The following PTPN2 variants were observed in gnomAD, a reference collection of about 807,000 sequenced individuals.
PTPN2 encodes the protein protein tyrosine phosphatase non-receptor type 2.
A neutral mutation model predicts 57.3 loss-of-function variants in PTPN2; 19 were observed. The observed-to-expected ratio is 0.33, with a 90% CI of 0.23 to 0.49. The LOEUF (loss-of-function observed/expected upper bound fraction) is 0.49, where lower values mean the gene tolerates loss of function less well. Ranked by LOEUF, PTPN2 falls within the 20% of genes least tolerant of loss-of-function variation. The pLI is 0.99. For synonymous variants in PTPN2, 153 were observed against 164.9 expected (o/e 0.93, Z 0.55); for missense variants, 358 against 501.1 (o/e 0.71, Z 2.73).
rs1350334963 is a variant in PTPN2, at chr18:12,833,400, A to AG, written c.262-2360dup. Among the ~76,000 whole-genome samples the AG allele has an allele frequency of 3.9e-5, 6 of 152,168 alleles. No individual in the cohort carries two copies. In the East Asian group the frequency reaches 1.2e-3, roughly 29 times the overall value. Reference sequence around the variant, plus strand: ...TTTAAGAGCTTGCAAAGGTAGAAGGAGAAGTACTTGTATGACTAATGGACA... The same window carrying AG: ...TTTAAGAGCTTGCAAAGGTAGAAGGAGGAAGTACTTGTATGACTAATGGACA... On this transcript the variant is annotated intron_variant, in intron 3 of 8. Coordinates refer to ENST00000309660, the MANE Select transcript of PTPN2 (RefSeq NM_002828.4).
intron 7 of PTPN2, among the ~76,000 whole-genome samples, chr18:12,810,911 G>A (rs1008461200): frequency 6.6e-6 from 1 of 152,128 alleles, no homozygotes; most frequent in Non-Finnish European, 1.5e-5. Flanking sequence ...TGGAACACAG[G>A]AGTAATTAAG....
chr18:12,799,419 G>GAA (rs1194686805), intron 8 of PTPN2, among the ~76,000 whole-genome samples: 1 of 137,592 alleles, frequency 7.3e-6, no homozygotes, highest in African/African-American at 2.7e-5. Flanking sequence ...TCCGTCTCAG[G>GAA]AAAAAAAAAA....
At chr18:12,877,152 A>G (rs916962862) in intron 1 of PTPN2, among the ~76,000 whole-genome samples, 7 of 152,144 alleles carry the variant, frequency 4.6e-5, no homozygotes, top group African/African-American at 1.4e-4. Flanking sequence ...AAAAGGGAAC[A>G]GTTTTCCTGT....
intron 3 of PTPN2, among the ~76,000 whole-genome samples, chr18:12,834,654 G>A (rs2042788015): frequency 6.6e-6 from 1 of 151,724 alleles, no homozygotes; most frequent in Non-Finnish European, 1.5e-5. Flanking sequence ...CATGACAGTA[G>A]TCTACCCTAT....
intron 8 of PTPN2, among the ~76,000 whole-genome samples, chr18:12,799,275 G>C (rs957453106): frequency 1.3e-5 from 2 of 151,918 alleles, no homozygotes; most frequent in Non-Finnish European, 2.9e-5. Context: ...AAATTAGCTG[G>C]GTGTAGTGGC....
chr18:12,841,065 G>T (rs1476610214), intron 2 of PTPN2: 5 of 1,188,540 alleles, frequency 4.2e-6, no homozygotes, highest in Non-Finnish European at 5.6e-6. Context: ...AAGGAAAAAA[G>T]AAATTATATT....
chr18:12,786,708 A>G (rs2040853415), intron 9 of PTPN2: 1 of 152,232 alleles, frequency 6.6e-6, no homozygotes, highest in African/African-American at 2.4e-5. Flanking sequence ...AAGAAATAGG[A>G]AATACAAATC....
rs756931750 is a variant in PTPN2, at chr18:12,814,311, G to C, written c.750C>G (p.Asn250Lys). The change falls in exon 7 of 9, where the codon AAC becomes AAG. Residue 250 changes from asparagine to lysine, a missense_variant. This residue lies in a region of PTPN2 where 193 missense variants were observed against 315.4 expected (regional missense o/e 0.61). Coordinates refer to ENST00000309660, the MANE Select transcript of PTPN2 (RefSeq NM_002828.4). ...DDINIKQVLL[N>K]MRKYRMGLIQ... Reference sequence around the variant, plus strand: ...TAAGACCCATTCGGTATTTTCTCATGTTCAGTAACACTTGTTTTATGTTAA... The same window carrying C: ...TAAGACCCATTCGGTATTTTCTCATCTTCAGTAACACTTGTTTTATGTTAA... 2 of 1,608,312 alleles carry C rather than the reference G, an allele frequency of 1.2e-6. No individual in the cohort carries two copies. The highest frequency in any genetic ancestry group is 2.2e-5 in the South Asian group (2 of 89,588).
chr18:12,809,880 G>C (rs1006837530), intron 7 of PTPN2, among the ~76,000 whole-genome samples: 3 of 152,160 alleles, frequency 2.0e-5, no homozygotes, highest in Non-Finnish European at 4.4e-5. Context: ...TGTACCAGAG[G>C]TATTAAAAAG....
chr18:12,805,952 A>AT (rs1462799229), intron 7 of PTPN2, among the ~76,000 whole-genome samples: 8 of 152,054 alleles, frequency 5.3e-5, no homozygotes, highest in African/African-American at 1.9e-4. Context: ...CAACACTTTT[A>AT]TTCAGCATAA....
intron 2 of PTPN2, among the ~76,000 whole-genome samples, chr18:12,849,546 C>T (rs1053292184): frequency 4.1e-5 from 6 of 145,130 alleles, no homozygotes; most frequent in African/African-American, 1.0e-4. Flanking sequence ...GCAACAAGAG[C>T]GAAACCCTGT....
At chr18:12,790,577 T>A (rs2040959137), downstream of PTPN2, among the ~76,000 whole-genome samples, 1 of 152,234 alleles carries the variant, frequency 6.6e-6, no homozygotes, top group Admixed American at 6.5e-5. Context: ...GTGTTGAGGA[T>A]TAAGTAGGGT....
chr18:12,864,166 C>G (rs2043913026), intron 1 of PTPN2: 1 of 147,042 alleles, frequency 6.8e-6, no homozygotes, highest in Non-Finnish European at 1.5e-5. Context: ...GTAAATGGAA[C>G]TGAGCTATTA....
intron 5 of PTPN2, among the ~76,000 whole-genome samples, chr18:12,819,639 C>T (rs2042204641): frequency 6.6e-6 from 1 of 151,172 alleles, no homozygotes; most frequent in Non-Finnish European, 1.5e-5. Flanking sequence ...AGGAATCAAT[C>T]TTATTGTAGG....
chr18:12,789,874 GTGTGTA>G (rs1268538103), downstream of PTPN2, among the ~76,000 whole-genome samples: 15 of 149,032 alleles, frequency 1.0e-4, no homozygotes, highest in South Asian at 1.5e-3. Context: ...GTGTGTGTGT[GTGTGTA>G]TATATATATG....
At chr18:12,849,338 C>A (rs1271240195) in intron 2 of PTPN2, among the ~76,000 whole-genome samples, 1 of 152,218 alleles carries the variant, frequency 6.6e-6, no homozygotes, top group African/African-American at 2.4e-5. Context: ...GCAGATGGAT[C>A]ACCTGAGGTC....
intron 1 of PTPN2, chr18:12,872,201 C>G (rs1303792975): frequency 6.6e-6 from 1 of 152,172 alleles, no homozygotes; most frequent in Non-Finnish European, 1.5e-5. Context: ...TAGAGGGGTA[C>G]AAACTCTAGG....
chr18:12,879,216 G>A lies in PTPN2; in HGVS notation c.69+4857C>T, dbSNP rs1452667774. 2.6e-5 allele frequency among the ~76,000 whole-genome samples: 4 copies of A among 152,110 alleles called. No homozygotes were observed. In the East Asian group the frequency reaches 7.7e-4, roughly 29 times the overall value. On this transcript the variant is annotated intron_variant, in intron 1 of 8. Coordinates refer to ENST00000309660, the MANE Select transcript of PTPN2 (RefSeq NM_002828.4). ...TGCAGTGGCACAATTATGGCTCACT[G>A]CAGCCCTAACCTCCTGACCTCAAGT...
At chr18:12,790,849 A>G (rs2040965592), downstream of PTPN2, among the ~76,000 whole-genome samples, 1 of 152,014 alleles carries the variant, frequency 6.6e-6, no homozygotes, top group South Asian at 2.1e-4. Flanking sequence ...TGATTAACAC[A>G]TTTTTTTTCT....
Sources: gnomAD v4.1 joint callset for allele counts (sites outside exome capture counted in the v4.1 genomes callset) on GRCh38, gnomAD v4.1.1 for gene constraint, gnomAD v4.1.1 regional missense constraint, MANE v1.5 for transcripts, NCBI Gene and HGNC (gene_info 2026-07-23, HGNC 2026-07-21) for gene names.